LRBA: variants seen among roughly 807,000 people sequenced by gnomAD.
LRBA encodes the protein LPS responsive beige-like anchor protein.
In LRBA, 176 loss-of-function variants were observed where a neutral mutation model predicts 330.0. That is an observed-to-expected ratio of 0.53 (90% CI 0.47 to 0.60). The LOEUF is 0.60. Ranked by LOEUF, LRBA falls within the 20% of genes least tolerant of loss-of-function variation. The pLI is 0.00. For synonymous variants in LRBA, 1,230 were observed against 1,193.0 expected (o/e 1.03, Z -0.64); for missense variants, 3,259 against 3,444.8 (o/e 0.95, Z 1.35).
intron 2 of LRBA, among the ~76,000 whole-genome samples, chr4:150,961,796 T>G (rs1393653546): frequency 6.7e-6 from 1 of 149,396 alleles, no homozygotes; most frequent in Non-Finnish European, 1.5e-5. Flanking sequence ...GAACAGAAAG[T>G]CCACACATAG....
chr4:150,719,838 C>T (rs185596845), intron 36 of LRBA, among the ~76,000 whole-genome samples: 1 of 152,234 alleles, frequency 6.6e-6, no homozygotes, highest in East Asian at 1.9e-4. Context: ...TTCACTAAAA[C>T]AGAAGTAAAC....
rs1459180768 is a variant in LRBA, at chr4:150,802,097, G to A, written c.5519-3955C>T. 4.0e-5 allele frequency among the ~76,000 whole-genome samples: 6 copies of A among 151,196 alleles called. 1 individual carries two copies. The Middle Eastern group carries it at 0.01, about 257-fold the overall frequency. On this transcript the variant is annotated intron_variant, in intron 33 of 56. Coordinates refer to ENST00000651943, the MANE Select transcript of LRBA (RefSeq NM_001364905.1). ...TAGACGAGCATGGTGACATGCGCCT[G>A]TAGTCCCAACTACTTGAGAGGCTAA...
chr4:150,672,032 A>G (rs1782106969), intron 37 of LRBA, among the ~76,000 whole-genome samples: 2 of 152,204 alleles, frequency 1.3e-5, no homozygotes, highest in Admixed American at 6.5e-5. Context: ...GCATTAAAGT[A>G]CCTTTCTAAC....
chr4:150,350,179 G>T lies in LRBA; in HGVS notation c.7195-20C>A. ...CAGGGCCTGAAAAAAGGTATACATTGTATTACTATGCTGAATTCCTTTTTA... is the reference window on the plus strand; with the variant it reads ...CAGGGCCTGAAAAAAGGTATACATTTTATTACTATGCTGAATTCCTTTTTA... On this transcript the variant is annotated intron_variant, in intron 47 of 56. Transcript: ENST00000651943. 1 of 1,501,020 alleles carries T rather than the reference G, an allele frequency of 6.7e-7. No homozygotes were observed. Among genetic ancestry groups the T allele is most frequent in the Non-Finnish European group, 8.9e-7 (1 of 1,125,156 alleles). The allele number at this position is 1,501,020 out of a possible 1,614,324, so 93.0% of individuals were successfully genotyped here.
chr4:150,887,280 G>C (rs1729039091), intron 17 of LRBA, among the ~76,000 whole-genome samples: 1 of 152,006 alleles, frequency 6.6e-6, no homozygotes, highest in Non-Finnish European at 1.5e-5. Flanking sequence ...TAAATTTGAA[G>C]ATCAAGTTTA....
At chr4:150,765,067 T>C (rs775434172) in intron 34 of LRBA, among the ~76,000 whole-genome samples, 10 of 148,100 alleles carry the variant, frequency 6.8e-5, no homozygotes, top group Non-Finnish European at 1.3e-4. Context: ...AACCAGACAA[T>C]GGAATATTAT....
At chr4:150,955,814 C>T (rs1364731089) in intron 2 of LRBA, among the ~76,000 whole-genome samples, 1 of 148,172 alleles carries the variant, frequency 6.7e-6, no homozygotes, top group Non-Finnish European at 1.5e-5. Flanking sequence ...ATCACTTGAA[C>T]CCGGGAGGCA....
At chr4:150,821,180 T>G (rs1226947906) in intron 30 of LRBA, among the ~76,000 whole-genome samples, 1 of 152,132 alleles carries the variant, frequency 6.6e-6, no homozygotes, top group Non-Finnish European at 1.5e-5. Context: ...TGCTTCAAAC[T>G]TTTTAGCATA....
chr4:150,501,542 G>A (rs766477310), intron 40 of LRBA, among the ~76,000 whole-genome samples: 4 of 152,004 alleles, frequency 2.6e-5, no homozygotes, highest in Non-Finnish European at 5.9e-5. Context: ...GGCCTGGGAT[G>A]CAGAAGGTGT....
chr4:150,290,750 T>C (rs911604732), intron 53 of LRBA, among the ~76,000 whole-genome samples: 3 of 152,098 alleles, frequency 2.0e-5, no homozygotes, highest in African/African-American at 7.2e-5. Context: ...TAAAGGAAGA[T>C]GAACAAGTCA....
chr4:150,375,793 C>G (rs1741227049), intron 47 of LRBA, among the ~76,000 whole-genome samples: 1 of 152,124 alleles, frequency 6.6e-6, no homozygotes, highest in South Asian at 2.1e-4. Context: ...ATCACTGCTC[C>G]TGATACCATT....
intron 41 of LRBA, among the ~76,000 whole-genome samples, chr4:150,488,048 C>T (rs1416154825): frequency 6.6e-6 from 1 of 151,462 alleles, no homozygotes; most frequent in Non-Finnish European, 1.5e-5. Flanking sequence ...ATAGACAGTG[C>T]TTTCCTAAAT....
chr4:150,830,828 A>G (rs1459576175), intron 29 of LRBA, among the ~76,000 whole-genome samples: 1 of 126,574 alleles, frequency 7.9e-6, no homozygotes, highest in African/African-American at 3.1e-5. Context: ...TTGTGGTGGG[A>G]TCTCTGCTCA....
At chr4:150,676,227 T>C (rs1288005092) in intron 37 of LRBA, among the ~76,000 whole-genome samples, 1 of 152,200 alleles carries the variant, frequency 6.6e-6, no homozygotes, top group Non-Finnish European at 1.5e-5. Flanking sequence ...TAATCTTGTA[T>C]TAGAGAAAGA....
chr4:150,742,405 C>T (rs182851511), intron 35 of LRBA, among the ~76,000 whole-genome samples: 32 of 152,072 alleles, frequency 2.1e-4, no homozygotes, highest in African/African-American at 7.7e-4. Context: ...GCCTTAGCTT[C>T]CCAAAGTGCT....
At chr4:150,701,800 A>G (rs925592028) in intron 36 of LRBA, among the ~76,000 whole-genome samples, 2 of 152,206 alleles carry the variant, frequency 1.3e-5, no homozygotes, top group African/African-American at 4.8e-5. Flanking sequence ...CACAAAATCT[A>G]TCAATCCATC....
At chr4:150,476,374 G>C (rs897701731) in intron 42 of LRBA, among the ~76,000 whole-genome samples, 1 of 152,102 alleles carries the variant, frequency 6.6e-6, no homozygotes, top group African/African-American at 2.4e-5. Flanking sequence ...AGTAACCAAA[G>C]CACTAATAGC....
intron 56 of LRBA, among the ~76,000 whole-genome samples, chr4:150,276,828 G>A (rs1414349675): frequency 6.6e-6 from 1 of 152,196 alleles, no homozygotes; most frequent in Non-Finnish European, 1.5e-5. Context: ...TCGTTGGTGG[G>A]AGTGTAAATT....
chr4:150,831,906 T>G lies in LRBA; in HGVS notation c.4640A>C (p.Lys1547Thr). Residue 1547 changes from lysine to threonine, a missense_variant, in exon 29 of 57, where the codon AAG (lysine) becomes ACG (threonine). Physicochemically the swap from Lys to Thr is moderately conservative, Grantham distance 78. Coordinates refer to ENST00000651943, the MANE Select transcript of LRBA (RefSeq NM_001364905.1). ...VYFISVLMVS[K>T]YRDILEPQNE... The stretch of plus-strand genomic sequence containing the variant: ...TTGGGGTTCCAAAATGTCTCTGTAC[T>G]TGGAGACCATAAGAACAGAGATAAA... 6.2e-7 allele frequency: 1 copy of G among 1,604,364 alleles called. No homozygotes were observed. Among genetic ancestry groups the G allele is most frequent in the Non-Finnish European group, 8.5e-7 (1 of 1,174,914 alleles).
Sources: allele counts gnomAD v4.1 joint callset (sites outside exome capture counted in the v4.1 genomes callset), GRCh38; gene constraint gnomAD v4.1.1; transcripts MANE v1.5; gene names NCBI Gene and HGNC (gene_info 2026-07-23, HGNC 2026-07-21).